The following DIAPH2 variants were observed in gnomAD, a reference collection of about 807,000 sequenced individuals.
The protein encoded by DIAPH2 is diaphanous related formin 2.
A neutral mutation model predicts 92.7 loss-of-function variants in DIAPH2; 35 were observed. That is an observed-to-expected ratio of 0.38 (90% confidence interval 0.29 to 0.50). The LOEUF (loss-of-function observed/expected upper bound fraction) is 0.50. Ranked by LOEUF, DIAPH2 falls within the 20% of genes least tolerant of loss-of-function variation. The pLI is 0.94. For missense variants in DIAPH2, 701 were observed against 819.5 expected (o/e 0.86, Z 1.77); for synonymous variants, 301 against 280.4 (o/e 1.07, Z -0.73).
At chrX:96,737,550 A>G (rs6620144) in intron 2 of DIAPH2, among the ~76,000 whole-genome samples, 15,237 of 110,983 alleles carry the variant, frequency 0.14, 870 homozygotes, top group East Asian at 0.32. Context: ...AACAGAAACC[A>G]TAATAAAACT....
At chrX:97,019,436 T>C (rs954684092) in intron 17 of DIAPH2, among the ~76,000 whole-genome samples, 7 of 111,118 alleles carry the variant, frequency 6.3e-5, no homozygotes, top group Non-Finnish European at 1.1e-4. Flanking sequence ...TTATTTATGA[T>C]AATATAGTAA....
chrX:96,933,770 A>AT (rs757624722), intron 10 of DIAPH2, among the ~76,000 whole-genome samples: 1,066 of 77,760 alleles, frequency 0.014, 6 homozygotes, highest in African/African-American at 0.032. Context: ...TGCCCGGCTA[A>AT]TTTTTTTTTT....
At chrX:97,267,788 CTT>C (rs893728522) in intron 23 of DIAPH2, among the ~76,000 whole-genome samples, 1 of 111,481 alleles carries the variant, frequency 9.0e-6, no homozygotes, top group Non-Finnish European at 1.9e-5. Context: ...GTACATAACT[CTT>C]TTAGGGTACC....
intron 4 of DIAPH2, among the ~76,000 whole-genome samples, chrX:96,789,118 G>A (rs1038258215): frequency 8.9e-6 from 1 of 111,988 alleles, no homozygotes; most frequent in Non-Finnish European, 1.9e-5. Context: ...AGATACAGGC[G>A]GAGTTTGGAG....
At chrX:97,551,549 C>T (rs1432450225) in intron 26 of DIAPH2, among the ~76,000 whole-genome samples, 2 of 107,155 alleles carry the variant, frequency 1.9e-5, no homozygotes, top group South Asian at 8.5e-4. Flanking sequence ...GAGATCGTGC[C>T]GCCATTACAC....
chrX:97,427,836 A>G (rs1279635091), intron 25 of DIAPH2, among the ~76,000 whole-genome samples: 4 of 109,885 alleles, frequency 3.6e-5, no homozygotes, highest in African/African-American at 1.0e-4. Context: ...ACAGGTGCCC[A>G]CCACCATGCC....
At chrX:97,519,356 AT>A (rs1285134962) in intron 26 of DIAPH2, among the ~76,000 whole-genome samples, 1 of 112,054 alleles carries the variant, frequency 8.9e-6, no homozygotes, top group Non-Finnish European at 1.9e-5. Context: ...TTCAAAAAAA[AT>A]TCACATTTAT....
intron 5 of DIAPH2, chrX:96,884,485 GT>G (rs1455412049): frequency 8.3e-7 from 1 of 1,209,107 alleles, no homozygotes; most frequent in East Asian, 3.0e-5. Flanking sequence ...CAGCTCTACT[GT>G]GTTTGACCCT....
intron 23 of DIAPH2, among the ~76,000 whole-genome samples, chrX:97,308,614 C>CTT (rs34812351): frequency 1.2e-3 from 48 of 40,886 alleles, no homozygotes; most frequent in African/African-American, 2.8e-3. Flanking sequence ...GAAACCCCAT[C>CTT]TTTTTTTTTT....
chrX:96,966,511 A>G (rs757867110), intron 17 of DIAPH2, among the ~76,000 whole-genome samples: 1 of 112,328 alleles, frequency 8.9e-6, no homozygotes, highest in South Asian at 3.7e-4. Context: ...GAAATAGTCT[A>G]TGCCTCTCAA....
intron 17 of DIAPH2, among the ~76,000 whole-genome samples, chrX:96,972,942 G>GT (rs764226485): frequency 4.5e-4 from 50 of 111,745 alleles, no homozygotes; most frequent in African/African-American, 1.6e-3. Context: ...ACCTTTCATA[G>GT]TATGAACATG....
chrX:96,758,027 A>AT (rs2064242752), intron 3 of DIAPH2, 127 bp from the exon 4 acceptor site: 1 of 552,657 alleles, frequency 1.8e-6, no homozygotes, highest in Non-Finnish European at 2.7e-6. Flanking sequence ...CCAAAAAAGG[A>AT]TTTTTGACAT....
chrX:97,245,421 C>T (rs2147547549), intron 22 of DIAPH2, among the ~76,000 whole-genome samples: 1 of 110,648 alleles, frequency 9.0e-6, no homozygotes, highest in South Asian at 3.9e-4. Flanking sequence ...TCAAGCAATC[C>T]TCCCATCTCA....
At chrX:96,689,903 G>A (rs1460654687) in intron 1 of DIAPH2, among the ~76,000 whole-genome samples, 1 of 110,929 alleles carries the variant, frequency 9.0e-6, no homozygotes, top group African/African-American at 3.3e-5. Context: ...ATTAGCTGGG[G>A]ATTTTTTTCC....
intron 25 of DIAPH2, among the ~76,000 whole-genome samples, chrX:97,386,130 T>C (rs1264727409): frequency 3.6e-5 from 4 of 112,306 alleles, no homozygotes; most frequent in Non-Finnish European, 7.5e-5. Context: ...GAATTGACTA[T>C]AGTTTATATC....
chrX:97,389,796 G>A (rs1408310957), intron 25 of DIAPH2, among the ~76,000 whole-genome samples: 1 of 110,216 alleles, frequency 9.1e-6, no homozygotes, highest in Non-Finnish European at 1.9e-5. Flanking sequence ...AGGAGTTCTG[G>A]GCTGGGATGT....
chrX:97,091,646 T>A (rs2147353700), intron 19 of DIAPH2, among the ~76,000 whole-genome samples: 1 of 111,327 alleles, frequency 9.0e-6, no homozygotes, highest in Admixed American at 9.6e-5. Context: ...GTTCTGAAAA[T>A]ATATTTTCAC....
chrX:97,287,639 A>G (rs1305711813), intron 23 of DIAPH2, among the ~76,000 whole-genome samples: 1 of 108,466 alleles, frequency 9.2e-6, no homozygotes, highest in African/African-American at 3.4e-5. Context: ...TAGATGACAC[A>G]GTATTAGAGT....
intron 1 of DIAPH2, among the ~76,000 whole-genome samples, chrX:96,728,693 G>C (rs755106781): frequency 7.1e-4 from 80 of 112,460 alleles, no homozygotes; most frequent in Non-Finnish European, 1.4e-3. Context: ...GCACTACTTG[G>C]CTAAATCATT....
Sources: gnomAD v4.1 joint callset for allele counts (sites outside exome capture counted in the v4.1 genomes callset) on GRCh38, gnomAD v4.1.1 for gene constraint, MANE v1.5 for transcripts, NCBI Gene and HGNC (gene_info 2026-07-23, HGNC 2026-07-21) for gene names.